The following FGF1 variants were observed in gnomAD, a reference collection of about 807,000 sequenced individuals.
The protein encoded by FGF1 is fibroblast growth factor 1, also known as beta-endothelial cell growth factor.
Under a neutral mutation model 13.4 loss-of-function variants are expected in FGF1, and 9 were observed. The observed-to-expected ratio is 0.67, with a 90% CI of 0.40 to 1.17. FGF1 has a LOEUF of 1.17. FGF1 is among the 50% of genes most tolerant of loss of function. FGF1 has a pLI of 0.01. For missense variants in FGF1, 156 were observed against 192.7 expected, an observed-to-expected ratio of 0.81 and a Z score of 1.13; for synonymous variants, 93 against 79.0, an observed-to-expected ratio of 1.18 and a Z score of -0.94.
intron 1 of FGF1, among the ~76,000 whole-genome samples, chr5:142,679,576 C>A (rs1773332776): frequency 6.6e-6 from 1 of 152,250 alleles, no homozygotes; most frequent in Non-Finnish European, 1.5e-5. Flanking sequence ...GGCATCCATG[C>A]TGAGCTGAAT....
upstream of FGF1, among the ~76,000 whole-genome samples, chr5:142,688,012 C>T (rs17208915): frequency 0.14 from 21,030 of 152,192 alleles, 1,790 homozygotes; most frequent in Non-Finnish European, 0.19. Context: ...GCACCTTGAA[C>T]GCAGGGAATG....
At chr5:142,658,277 C>A (rs1012993985) in intron 1 of FGF1, among the ~76,000 whole-genome samples, 1 of 152,216 alleles carries the variant, frequency 6.6e-6, no homozygotes, top group Non-Finnish European at 1.5e-5. Flanking sequence ...AATTCTCAAG[C>A]CTTATCCATG....
intron 1 of FGF1, among the ~76,000 whole-genome samples, chr5:142,624,078 C>A (rs1762084171): frequency 1.3e-5 from 2 of 152,144 alleles, no homozygotes; most frequent in Admixed American, 1.3e-4. Context: ...CGCTACCATA[C>A]CTGGCTAATT....
At chr5:142,635,601 C>A (rs979944535) in intron 1 of FGF1, among the ~76,000 whole-genome samples, 2 of 152,232 alleles carry the variant, frequency 1.3e-5, no homozygotes, top group African/African-American at 4.8e-5. Flanking sequence ...GCTTCTTACC[C>A]AAGCTGCATC....
intron 2 of FGF1, among the ~76,000 whole-genome samples, chr5:142,607,374 T>C (rs1364561501): frequency 6.6e-6 from 1 of 152,192 alleles, no homozygotes; most frequent in East Asian, 1.9e-4. Flanking sequence ...TTGCTATCTA[T>C]GAACAGGAAG....
chr5:142,653,871 A>G (rs886994447), intron 1 of FGF1, among the ~76,000 whole-genome samples: 14 of 152,188 alleles, frequency 9.2e-5, no homozygotes, highest in African/African-American at 3.1e-4. Flanking sequence ...AGGTGGGTGG[A>G]TCACAAGTTC....
upstream of FGF1, among the ~76,000 whole-genome samples, chr5:142,687,568 C>G (rs546876128): frequency 3.9e-5 from 6 of 152,296 alleles, no homozygotes; most frequent in South Asian, 1.2e-3. Flanking sequence ...AATAATCTTC[C>G]TGAGTATCTG....
chr5:142,622,205 C>T (rs1007753350), intron 1 of FGF1, among the ~76,000 whole-genome samples: 2 of 152,220 alleles, frequency 1.3e-5, no homozygotes, highest in African/African-American at 2.4e-5. Flanking sequence ...AATTTAACTA[C>T]GTTTACTTCA....
In FGF1 at chr5:142,691,421, C is replaced by CAAATAAAATAAAATAAAATA. The variant is rs151025512; in HGVS notation, c.-35+6181_-35+6200dup. On this transcript the variant is annotated intron_variant, in intron 2 of 4. Coordinates refer to the FGF1 transcript ENST00000407758. ...TGGGTGATAGAGTGAGACTCTGTCT[C>CAAATAAAATAAAATAAAATA]AAATAAAATAAAATAAAATAAAATA... Among the ~76,000 whole-genome samples, 13 of 128,528 alleles carry CAAATAAAATAAAATAAAATA rather than the reference C, an allele frequency of 1.0e-4. No individual in the cohort carries two copies. In the South Asian group the frequency reaches 1.1e-3, roughly 11 times the overall value. The allele number at this position is 128,528 out of a possible 152,430, so 84.3% of individuals were successfully genotyped here.
At chr5:142,606,236 G>C (rs1757642274) in intron 2 of FGF1, among the ~76,000 whole-genome samples, 1 of 147,606 alleles carries the variant, frequency 6.8e-6, no homozygotes, top group South Asian at 2.1e-4. Flanking sequence ...GTGTGTGTGT[G>C]TGTGTGTGTA....
At chr5:142,689,826 G>A (rs1214698146), upstream of FGF1, among the ~76,000 whole-genome samples, 2 of 150,140 alleles carry the variant, frequency 1.3e-5, no homozygotes, top group Non-Finnish European at 3.0e-5. Context: ...AGCCTCCGGA[G>A]TAGCTGGGAC....
intron 3 of FGF1, among the ~76,000 whole-genome samples, chr5:142,599,255 G>A (rs925166115): frequency 6.6e-6 from 1 of 152,142 alleles, no homozygotes; most frequent in Non-Finnish European, 1.5e-5. Flanking sequence ...ATCCCCTACT[G>A]CCAAACCCCT....
rs376717465 is a variant in FGF1 at position 142,694,676 on chromosome 5, T to C, written c.-35+2946A>G. 2.6e-4 allele frequency among the ~76,000 whole-genome samples: 39 copies of C among 152,306 alleles called. No individual in the cohort carries two copies. The South Asian group carries it at 8.1e-3, about 32-fold the overall frequency. ...GGTAGGAGAAAGGGCAGGGCCATAATGTACTGACCGGCAGCCCAAGGGGCA... is the reference window on the plus strand; with the variant it reads ...GGTAGGAGAAAGGGCAGGGCCATAACGTACTGACCGGCAGCCCAAGGGGCA... On this transcript the variant is annotated intron_variant, in intron 2 of 4. Transcript: ENST00000407758.
At chr5:142,656,672 C>T (rs911410663) in intron 1 of FGF1, among the ~76,000 whole-genome samples, 1 of 152,104 alleles carries the variant, frequency 6.6e-6, no homozygotes, top group East Asian at 1.9e-4. Flanking sequence ...AGTTATGGGT[C>T]TAAGCAAATA....
At chr5:142,618,934 T>TA (rs1302278439) in intron 1 of FGF1, among the ~76,000 whole-genome samples, 2 of 130,786 alleles carry the variant, frequency 1.5e-5, no homozygotes, top group Admixed American at 7.3e-5. Context: ...GTTTTGTTTT[T>TA]TTTTTTTTTT....
At chr5:142,600,597 AC>A in intron 3 of FGF1, 104 bp downstream of exon 3, 1 of 793,432 alleles carries the variant, frequency 1.3e-6, no homozygotes, top group South Asian at 1.4e-5. Context: ...AAAATAACAA[AC>A]AGAGACTAAT....
At chr5:142,682,587 G>T (rs1217946111) in intron 1 of FGF1, among the ~76,000 whole-genome samples, 1 of 152,130 alleles carries the variant, frequency 6.6e-6, no homozygotes, top group Non-Finnish European at 1.5e-5. Context: ...GCAGAATTTG[G>T]ATCCCAGGCA....
In FGF1 at chr5:142,593,255, T is replaced by C. The variant is rs1754618469; in HGVS notation, c.*2035A>G. The C allele has an allele frequency of 6.6e-6, 1 of 152,224 alleles. No individual in the cohort carries two copies. Among genetic ancestry groups the C allele is most frequent in the Non-Finnish European group, 1.5e-5 (1 of 68,038 alleles). The allele number at this position is 152,224 out of a possible 1,614,324, so 9.4% of individuals were successfully genotyped here. ...GTATCTTTTTCTGGCCAAATCTTCA[T>C]ACTAAAGAGACGTTAAGCCACACTG... On this transcript the variant is annotated 3_prime_UTR_variant, in exon 4 of 4. Transcript: ENST00000337706.
chr5:142,685,191 T>C (rs966603282), intron 1 of FGF1, among the ~76,000 whole-genome samples: 8 of 152,150 alleles, frequency 5.3e-5, no homozygotes, highest in African/African-American at 4.8e-5. Context: ...CCAGAGACTC[T>C]GTCCATTCTG....
Sources: gnomAD v4.1 joint callset for allele counts (sites outside exome capture counted in the v4.1 genomes callset) on GRCh38, gnomAD v4.1.1 for gene constraint, MANE v1.5 for transcripts, NCBI Gene and HGNC (gene_info 2026-07-23, HGNC 2026-07-21) for gene names.